Variants in FGF13 observed in about 807,000 individuals in gnomAD.
The protein encoded by FGF13 is fibroblast growth factor homologous factor 2.
In FGF13, 2 loss-of-function variants were observed where a neutral mutation model predicts 19.5. The observed-to-expected ratio is 0.10, with a 90% CI of 0.04 to 0.32. The LOEUF (loss-of-function observed/expected upper bound fraction) is 0.32, where lower values mean the gene tolerates loss of function less well. Among genes scored for constraint, FGF13 ranks in the 10% least tolerant of loss-of-function variants. FGF13 has a pLI of 1.00. For missense variants in FGF13, 113 were observed against 192.7 expected, an observed-to-expected ratio of 0.59 and a Z score of 2.45; for synonymous variants, 72 against 76.9, an observed-to-expected ratio of 0.94 and a Z score of 0.33.
intron 1 of FGF13, among the ~76,000 whole-genome samples, chrX:138,732,247 A>C (rs1330972260): frequency 8.9e-6 from 1 of 111,885 alleles, no homozygotes. Flanking sequence ...GTTTTTGTCC[A>C]AAAGAAATAA....
chrX:138,742,817 G>A, upstream of FGF13, among the ~76,000 whole-genome samples: 1 of 111,830 alleles, frequency 8.9e-6, no homozygotes, highest in Non-Finnish European at 1.9e-5. Context: ...CTTGTCTCCA[G>A]GCCCCCTTGA....
intron 1 of FGF13, among the ~76,000 whole-genome samples, chrX:138,897,723 A>G (rs958494466): frequency 1.8e-5 from 2 of 111,487 alleles, no homozygotes; most frequent in East Asian, 5.6e-4. Context: ...AAGAGTTCAC[A>G]CCACCAAACT....
chrX:138,966,864 G>C (rs1363034568), intron 1 of FGF13, among the ~76,000 whole-genome samples: 2 of 111,046 alleles, frequency 1.8e-5, no homozygotes, highest in East Asian at 5.7e-4. Context: ...TGAATCATGG[G>C]GGGTGGTTTC....
At chrX:138,839,082 C>T (rs972715137) in intron 3 of FGF13, among the ~76,000 whole-genome samples, 1 of 110,978 alleles carries the variant, frequency 9.0e-6, no homozygotes, top group Admixed American at 9.6e-5. Context: ...TGAATTAATA[C>T]CATTATTGTA....
intron 1 of FGF13, among the ~76,000 whole-genome samples, chrX:138,983,657 T>A (rs188874622): frequency 5.5e-5 from 6 of 109,955 alleles, no homozygotes; most frequent in Non-Finnish European, 1.1e-4. Context: ...TACCATATGA[T>A]CTAGCAATAC....
chrX:139,013,238 T>C (rs1410980357), intron 1 of FGF13, among the ~76,000 whole-genome samples: 2 of 109,173 alleles, frequency 1.8e-5, no homozygotes, highest in African/African-American at 3.3e-5. Context: ...AATTACACCG[T>C]TGGAGGGAAT....
chrX:139,138,926 CTTTTT>C (rs758384021), intron 1 of FGF13, among the ~76,000 whole-genome samples: 64 of 85,527 alleles, frequency 7.5e-4, no homozygotes, highest in African/African-American at 2.8e-3. Flanking sequence ...TGTTATTTAT[CTTTTT>C]TTTTTTTTTT....
chrX:138,791,003 G>A (rs1267771711), intron 3 of FGF13, among the ~76,000 whole-genome samples: 1 of 111,609 alleles, frequency 9.0e-6, no homozygotes, highest in African/African-American at 3.3e-5. Flanking sequence ...ATAAAAAACT[G>A]TGTAACAATA....
At chrX:139,017,119 A>T (rs753655326) in intron 1 of FGF13, among the ~76,000 whole-genome samples, 7 of 108,002 alleles carry the variant, frequency 6.5e-5, no homozygotes, top group Admixed American at 1.0e-4. Context: ...TATGTAATGC[A>T]TATACGCATA....
intron 3 of FGF13, among the ~76,000 whole-genome samples, chrX:138,649,308 A>C (rs1410980014): frequency 8.9e-6 from 1 of 111,812 alleles, no homozygotes; most frequent in African/African-American, 3.2e-5. Flanking sequence ...GGATACAAAC[A>C]ACACTCCTTC....
At chrX:138,723,482 A>G (rs1164863718) in intron 1 of FGF13, among the ~76,000 whole-genome samples, 3 of 111,135 alleles carry the variant, frequency 2.7e-5, no homozygotes, top group African/African-American at 6.5e-5. Flanking sequence ...TAATTTGCGC[A>G]TTCTGCTGAT....
At chrX:138,977,098 A>C (rs769614406) in intron 1 of FGF13, among the ~76,000 whole-genome samples, 1 of 111,872 alleles carries the variant, frequency 8.9e-6, no homozygotes, top group Non-Finnish European at 1.9e-5. Context: ...AATATTAGGA[A>C]TGTAGAGAAG....
chrX:138,685,584 T>C (rs919889407), intron 3 of FGF13, among the ~76,000 whole-genome samples: 2 of 111,505 alleles, frequency 1.8e-5, no homozygotes, highest in African/African-American at 6.5e-5. Flanking sequence ...ATACAGCAGC[T>C]TTTCTCGATC....
intron 1 of FGF13, among the ~76,000 whole-genome samples, chrX:139,161,942 G>A (rs1361207432): frequency 8.9e-6 from 1 of 112,073 alleles, no homozygotes; most frequent in Non-Finnish European, 1.9e-5. Context: ...TGGATAGGAA[G>A]AATCAATACC....
chrX:139,054,907 GTATTGTA>G (rs1569447670), intron 1 of FGF13, among the ~76,000 whole-genome samples: 118 of 106,733 alleles, frequency 1.1e-3, no homozygotes, highest in East Asian at 2.9e-3. Flanking sequence ...GTGTTGTATT[GTATTGTA>G]TTGTATTGTA....
At chrX:139,146,097 A>G (rs925079058) in intron 1 of FGF13, among the ~76,000 whole-genome samples, 26 of 111,944 alleles carry the variant, frequency 2.3e-4, no homozygotes, top group Non-Finnish European at 4.9e-4. Flanking sequence ...AGCAATGGCA[A>G]CAAAAGCCAA....
At chrX:138,771,893 CTGCTT>C (rs2090547541) in intron 3 of FGF13, among the ~76,000 whole-genome samples, 2 of 108,401 alleles carry the variant, frequency 1.8e-5, no homozygotes, top group African/African-American at 3.3e-5. Flanking sequence ...TTTGTTCTCT[CTGCTT>C]TAAGAGAGCA....
chrX:139,083,351 T>C (rs1347292534), intron 1 of FGF13, among the ~76,000 whole-genome samples: 1 of 111,580 alleles, frequency 9.0e-6, no homozygotes, highest in African/African-American at 3.3e-5. Flanking sequence ...TCCATGTGAG[T>C]GATGATGCCT....
chrX:138,789,271 C>A (rs1272853960), intron 3 of FGF13, among the ~76,000 whole-genome samples: 1 of 110,013 alleles, frequency 9.1e-6, no homozygotes, highest in Non-Finnish European at 1.9e-5. Context: ...CGGGTTCAAG[C>A]GATTCTGCTG....
Sources: allele counts gnomAD v4.1 joint callset (sites outside exome capture counted in the v4.1 genomes callset), GRCh38; gene constraint gnomAD v4.1.1; transcripts MANE v1.5; gene names NCBI Gene and HGNC (gene_info 2026-07-23, HGNC 2026-07-21).